C2CD2L: variants seen among roughly 807,000 people sequenced by gnomAD.
C2CD2L encodes phospholipid transfer protein C2CD2L.
A neutral mutation model predicts 69.9 loss-of-function variants in C2CD2L; 24 were observed. That is an observed-to-expected ratio of 0.34 (90% confidence interval 0.25 to 0.48). The LOEUF (loss-of-function observed/expected upper bound fraction) is 0.48. C2CD2L is among the 20% of genes least tolerant of loss of function. The probability of loss-of-function intolerance (pLI) is 0.99; values close to 1 mark genes in which losing one functional copy is unlikely to be tolerated. For synonymous variants in C2CD2L, 367 were observed against 391.0 expected, an observed-to-expected ratio of 0.94 and a Z score of 0.72; for missense variants, 811 against 941.5, an observed-to-expected ratio of 0.86 and a Z score of 1.81.
At chr11:119,111,688 A>T in intron 7 of C2CD2L, 59 bp downstream of exon 7, 2 of 1,168,432 alleles carry the variant, frequency 1.7e-6, no homozygotes, top group Non-Finnish European at 2.5e-6. Context: ...AAACCTTTCC[A>T]GCACAGTCCT....
rs188365297 is a variant in C2CD2L, at chr11:119,110,744, T to G, written c.570+64T>G. On this transcript the variant is annotated intron_variant, in intron 3 of 13. Transcript: ENST00000648610. The surrounding 1 kb of genome is among the most constrained non-coding windows in gnomAD (Gnocchi z 5.7). The stretch of plus-strand genomic sequence containing the variant: ...GTTCCATTGGCTCAGCTTCTTCCAT[T>G]TGTTTCCTCTCTGGGATGGAATTCA... The G allele has an allele frequency of 1.9e-6, 3 of 1,608,406 alleles. No homozygotes were observed. In the East Asian group the frequency reaches 6.7e-5, roughly 36 times the overall value.
rs1946700542 is a variant in C2CD2L at position 119,110,332 on chromosome 11, T to G, written c.450+133T>G. On this transcript the variant is annotated intron_variant, in intron 2 of 13. Coordinates refer to ENST00000648610, the MANE Select transcript of C2CD2L (RefSeq NM_001290474.2). This position sits in a 1 kb window ranked among gnomAD's most constrained non-coding sequence, Gnocchi z 5.7. ...ATCTAAGGATTGGTTTCAGGAAGTC[T>G]GAGAATCCCATTGAAGTTATGTGCA... 1.2e-6 allele frequency: 1 copy of G among 813,678 alleles called. No individual in the cohort carries two copies. The highest frequency in any genetic ancestry group is 1.9e-6 in the Non-Finnish European group (1 of 515,440). The allele number at this position is 813,678 out of a possible 1,614,324, so 50.4% of individuals were successfully genotyped here. A position where few individuals can be genotyped will look rare whatever the true frequency, so the allele number is the denominator to read the frequency against.
chr11:119,116,090 C>T lies in C2CD2L; in HGVS notation c.1955C>T (p.Pro652Leu). The change falls in exon 14 of 14, where the codon CCT (proline) becomes CTT (leucine). Residue 652 changes from proline to leucine, a missense_variant. By Grantham distance (98) the Pro-to-Leu change is moderately conservative. Coordinates refer to ENST00000648610, the MANE Select transcript of C2CD2L (RefSeq NM_001290474.2). The part of the protein sequence containing the change: ...SGTKLIFRRR[P>L]RQKEAGLSQS... Reference sequence around the variant, plus strand: ...ACTAAGCTCATCTTCCGCCGGAGGCCTAGGCAGAAGGAAGCTGGCCTGAGC... The same window carrying T: ...ACTAAGCTCATCTTCCGCCGGAGGCTTAGGCAGAAGGAAGCTGGCCTGAGC... 6.2e-7 allele frequency: 1 copy of T among 1,614,158 alleles called. No homozygotes were observed. The highest frequency in any genetic ancestry group is 1.1e-5 in the South Asian group (1 of 91,090).
At position 119,115,851 on chromosome 11, in the gene C2CD2L, T is replaced by A. The variant is rs1351219309; in HGVS notation, c.1910-194T>A. 5 of 596,260 alleles carry A rather than the reference T, an allele frequency of 8.4e-6. No individual in the cohort carries two copies. The East Asian group carries it at 1.4e-4, about 17-fold the overall frequency. 36.9% of individuals were successfully genotyped at this position (596,260 alleles called of 1,614,324 possible). On this transcript the variant is annotated intron_variant, in intron 13 of 13. Coordinates refer to ENST00000648610, the MANE Select transcript of C2CD2L (RefSeq NM_001290474.2). ...AGCACATGTTTGTTTCTGCTTTCGT[T>A]TTCTTTTTTCTTTTTTTCACGAAGC...
In C2CD2L at chr11:119,110,213, G is replaced by T. The variant is rs2134949372; in HGVS notation, c.450+14G>T. 1 of 1,577,736 alleles carries T rather than the reference G, an allele frequency of 6.3e-7. No homozygotes were observed. Among genetic ancestry groups the T allele is most frequent in the South Asian group, 1.1e-5 (1 of 90,340 alleles). On this transcript the variant is annotated intron_variant, in intron 2 of 13. Coordinates refer to ENST00000648610, the MANE Select transcript of C2CD2L (RefSeq NM_001290474.2). The surrounding 1 kb of genome is among the most constrained non-coding windows in gnomAD (Gnocchi z 5.7). The stretch of plus-strand genomic sequence containing the variant: ...GAGCATACCATGGTAAGGGTCTGAT[G>T]GGCACTGCCCTCTTTGGGGTCCAAG...
chr11:119,115,762 G>C, intron 13 of C2CD2L: 1 of 489,930 alleles, frequency 2.0e-6, no homozygotes, highest in Non-Finnish European at 3.6e-6. Flanking sequence ...TCTCTTTTGC[G>C]GGCAGAGTTA....
At chr11:119,103,528 C>A (rs1362440775), upstream of C2CD2L, among the ~76,000 whole-genome samples, 1 of 152,110 alleles carries the variant, frequency 6.6e-6, no homozygotes, top group Non-Finnish European at 1.5e-5. Flanking sequence ...GAAACCCCGT[C>A]TCTACTGAAA....
Position 119,114,391 on chromosome 11 carries a change from C to G in C2CD2L, c.1909+26C>G, listed in dbSNP as rs1565777545. ...GTAGGGGGACGTTGGCAGGGTGCCC[C>G]TCATCTCTTCTTTTATACACATATC... On this transcript the variant is annotated intron_variant, in intron 13 of 13. Coordinates refer to ENST00000648610, the MANE Select transcript of C2CD2L (RefSeq NM_001290474.2). The surrounding 1 kb of genome is among the most constrained non-coding windows in gnomAD (Gnocchi z 5.1). 1 of 1,609,978 alleles carries G rather than the reference C, an allele frequency of 6.2e-7. No homozygotes were observed. The highest frequency in any genetic ancestry group is 1.7e-4 in the Middle Eastern group (1 of 6,050).
Position 119,113,794 on chromosome 11 carries a change from G to T in C2CD2L, c.1490-61G>T. ...AAGTACTCTGGGTGGGATAGGAGGAGTTCCAATCCAAGAAAGAGCCAGGGA... is the reference window on the plus strand; with the variant it reads ...AAGTACTCTGGGTGGGATAGGAGGATTTCCAATCCAAGAAAGAGCCAGGGA... On this transcript the variant is annotated intron_variant, in intron 11 of 13. Transcript: ENST00000648610. 3.7e-6 allele frequency: 6 copies of T among 1,611,520 alleles called. No individual in the cohort carries two copies. In the South Asian group the frequency reaches 6.6e-5, roughly 18 times the overall value.
upstream of C2CD2L, among the ~76,000 whole-genome samples, chr11:119,105,465 C>G (rs147896264): frequency 6.6e-6 from 1 of 151,972 alleles, no homozygotes; most frequent in Non-Finnish European, 1.5e-5. Flanking sequence ...ATGGTGAAAC[C>G]CTGTCTCTAC....
chr11:119,116,106 T>A lies in C2CD2L; in HGVS notation c.1971T>A (p.Ala657=), dbSNP rs1456169541. The stretch of plus-strand genomic sequence containing the variant: ...GCCGGAGGCCTAGGCAGAAGGAAGC[T>A]GGCCTGAGCCAATCACACGATGACC... ...IFRRRPRQKE[A]GLSQSHDDLS... The change falls in exon 14 of 14, where the codon GCT becomes GCA. Residue 657 remains alanine (A), a synonymous_variant. Coordinates refer to ENST00000648610, the MANE Select transcript of C2CD2L (RefSeq NM_001290474.2). The A allele has an allele frequency of 3.1e-6, 5 of 1,614,082 alleles. No individual in the cohort carries two copies. In the South Asian group the frequency reaches 3.3e-5, roughly 11 times the overall value.
intron 1 of C2CD2L, among the ~76,000 whole-genome samples, chr11:119,108,763 C>G (rs1246888242): frequency 3.3e-5 from 5 of 152,152 alleles, no homozygotes; most frequent in African/African-American, 1.2e-4. Flanking sequence ...GGGCAGGAAG[C>G]GTGGTCATGA....
rs1230812051 is a variant in C2CD2L at position 119,114,179 on chromosome 11, T to A, written c.1723T>A (p.Ser575Thr). 2.7e-5 allele frequency: 43 copies of A among 1,613,922 alleles called. No homozygotes were observed. Among genetic ancestry groups the A allele is most frequent in the Non-Finnish European group, 3.5e-5 (41 of 1,179,994 alleles). Reference sequence around the variant, plus strand: ...TGCAGGGACCAGCGGAGGCCCCTCTTCACCTCCCTCAGACCCACCAGCCAT... The same window carrying A: ...TGCAGGGACCAGCGGAGGCCCCTCTACACCTCCCTCAGACCCACCAGCCAT... ...DDAGTSGGPS[S>T]PPSDPPAMSP... Residue 575 changes from serine (S) to threonine (T), a missense_variant, in exon 13 of 14, where the codon TCA becomes ACA. Ser to Thr is a moderately conservative substitution (Grantham distance 58). Transcript: ENST00000648610. The surrounding 1 kb of genome is among the most constrained non-coding windows in gnomAD (Gnocchi z 5.1).
upstream of C2CD2L, chr11:119,102,499 T>G: frequency 2.7e-6 from 1 of 369,288 alleles, no homozygotes; most frequent in Non-Finnish European, 5.5e-6. Context: ...TGGTATTTTT[T>G]TCTCAGCATC....
At position 119,118,153 on chromosome 11, in the gene C2CD2L, A is replaced by G. The variant is rs1353861270; in HGVS notation, c.*1897A>G. 1 of 152,104 alleles carries G rather than the reference A, an allele frequency of 6.6e-6. No individual in the cohort carries two copies. Among genetic ancestry groups the G allele is most frequent in the Non-Finnish European group, 1.5e-5 (1 of 68,026 alleles). 9.4% of individuals were successfully genotyped at this position (152,104 alleles called of 1,614,324 possible). The stretch of plus-strand genomic sequence containing the variant: ...TTTCTTACATGCATATATTGCATGC[A>G]TAGAGGTGAAGTCTGGGCTTTTTTT... On this transcript the variant is annotated 3_prime_UTR_variant, in exon 14 of 14. Coordinates refer to ENST00000648610, the MANE Select transcript of C2CD2L (RefSeq NM_001290474.2).
In C2CD2L at chr11:119,113,727, G is replaced by C. The variant is rs116201266; in HGVS notation, c.1489+15G>C. 6 of 1,613,840 alleles carry C rather than the reference G, an allele frequency of 3.7e-6. No individual in the cohort carries two copies. The highest frequency in any genetic ancestry group is 5.1e-6 in the Non-Finnish European group (6 of 1,179,858). On this transcript the variant is annotated intron_variant, in intron 11 of 13. Transcript: ENST00000648610. ...TAGCAGCAGCCGTGAGTGGGGAATG[G>C]GGTGCATGAGTGTGGGTTGGCCCTG...
Position 119,116,284 on chromosome 11 carries a change from C to T in C2CD2L, c.*28C>T. ...ACCCAGCTCTGAAAGGGCACGAGTTCTCTCAGCCCATTCCCCACCTCCCCT... is the reference window on the plus strand; with the variant it reads ...ACCCAGCTCTGAAAGGGCACGAGTTTTCTCAGCCCATTCCCCACCTCCCCT... On this transcript the variant is annotated 3_prime_UTR_variant, in exon 14 of 14. Transcript: ENST00000648610. 6.5e-7 allele frequency: 1 copy of T among 1,544,534 alleles called. No individual in the cohort carries two copies. The highest frequency in any genetic ancestry group is 9.0e-7 in the Non-Finnish European group (1 of 1,117,246).
Position 119,113,542 on chromosome 11 carries a change from A to G in C2CD2L, c.1388-69A>G, listed in dbSNP as rs549511010. 2.0e-6 allele frequency: 3 copies of G among 1,531,020 alleles called. No homozygotes were observed. In the South Asian group the frequency reaches 3.8e-5, roughly 19 times the overall value. The allele number at this position is 1,531,020 out of a possible 1,614,324, so 94.8% of individuals were successfully genotyped here. A position where few individuals can be genotyped will look rare whatever the true frequency, so the allele number is the denominator to read the frequency against. ...TGAGTCACCCAAAGTCTGCATCTCAACAAAGACAGTAGGGGTGGGGGCCAC... is the reference window on the plus strand; with the variant it reads ...TGAGTCACCCAAAGTCTGCATCTCAGCAAAGACAGTAGGGGTGGGGGCCAC... On this transcript the variant is annotated intron_variant, in intron 10 of 13. Transcript: ENST00000648610.
chr11:119,104,610 T>A (rs1946552355), upstream of C2CD2L, among the ~76,000 whole-genome samples: 1 of 152,194 alleles, frequency 6.6e-6, no homozygotes, highest in Admixed American at 6.5e-5. Flanking sequence ...CCTTCCCTGG[T>A]AAAAGTTCAA....
Sources: allele counts gnomAD v4.1 joint callset (sites outside exome capture counted in the v4.1 genomes callset), GRCh38; gene constraint gnomAD v4.1.1; non-coding constraint Gnocchi (gnomAD v3.1); transcripts MANE v1.5; gene names NCBI Gene and HGNC (gene_info 2026-07-23, HGNC 2026-07-21).